Variants in SEMA4B observed in about 807,000 individuals in gnomAD.
SEMA4B encodes semaphorin 4B, also known as semaphorin-4B.
Under a neutral mutation model 88.1 loss-of-function variants are expected in SEMA4B, and 55 were observed. The ratio of observed to expected loss-of-function variants is 0.62; its 90% CI spans 0.50 to 0.78. SEMA4B has a LOEUF of 0.78. Ranked by LOEUF, SEMA4B falls within the 30% of genes least tolerant of loss-of-function variation. SEMA4B has a pLI of 0.00. For missense variants in SEMA4B, 1,062 were observed against 1,111.9 expected (o/e 0.96, Z 0.64); for synonymous variants, 525 against 473.6 (o/e 1.11, Z -1.41).
chr15:90,206,222 G>C (rs1443057554), intron 1 of SEMA4B, among the ~76,000 whole-genome samples: 2 of 152,174 alleles, frequency 1.3e-5, no homozygotes, highest in Admixed American at 6.5e-5. Context: ...GGGTGCTCAG[G>C]CTGGCGCAGG....
At chr15:90,224,171 A>G (rs1197925012) in intron 9 of SEMA4B, among the ~76,000 whole-genome samples, 183 bp downstream of exon 9, 1 of 152,214 alleles carries the variant, frequency 6.6e-6, no homozygotes, top group Non-Finnish European at 1.5e-5. Context: ...ATAAGTATGA[A>G]TGTCAGAATA....
chr15:90,198,889 A>T (rs1312180145), upstream of SEMA4B, among the ~76,000 whole-genome samples: 2 of 152,124 alleles, frequency 1.3e-5, no homozygotes, highest in East Asian at 3.9e-4. Flanking sequence ...TTTGTTTAAG[A>T]TGGAGTCTTG....
chr15:90,196,536 G>T (rs901220327), upstream of SEMA4B, among the ~76,000 whole-genome samples: 2 of 152,058 alleles, frequency 1.3e-5, no homozygotes, highest in African/African-American at 4.8e-5. Flanking sequence ...GGTCAGGCTG[G>T]AGTGCAGTGG....
In SEMA4B at chr15:90,212,401, C is replaced by A. The variant is rs548056880; in HGVS notation, c.158-5038C>A. ...AAACCGGCCGCAGCCTCGGCGTGCCCTGCTTTCTTCATACTGGACTAACCC... is the reference window on the plus strand; with the variant it reads ...AAACCGGCCGCAGCCTCGGCGTGCCATGCTTTCTTCATACTGGACTAACCC... On this transcript the variant is annotated intron_variant, in intron 1 of 13. Coordinates refer to ENST00000411539, the MANE Select transcript of SEMA4B (RefSeq NM_198925.4). The surrounding 1 kb of genome is among the most constrained non-coding windows in gnomAD (Gnocchi z 4.0). Among the ~76,000 whole-genome samples, 1 of 152,168 alleles carries A rather than the reference C, an allele frequency of 6.6e-6. No homozygotes were observed. The highest frequency in any genetic ancestry group is 2.1e-4 in the South Asian group (1 of 4,834).
upstream of SEMA4B, among the ~76,000 whole-genome samples, chr15:90,196,612 G>A (rs377348598): frequency 2.0e-5 from 3 of 151,868 alleles, no homozygotes; most frequent in African/African-American, 4.8e-5. Flanking sequence ...TCAGCCTCCC[G>A]AGTAGCTGGG....
At chr15:90,191,033 G>T (rs1401248304) in intron 1 of SEMA4B, among the ~76,000 whole-genome samples, 6 of 152,244 alleles carry the variant, frequency 3.9e-5, no homozygotes, top group African/African-American at 1.4e-4. Flanking sequence ...AGCAGAGGCA[G>T]ACAGCGCCTC....
chr15:90,205,045 G>T (rs11631716), intron 1 of SEMA4B, among the ~76,000 whole-genome samples: 15,895 of 152,236 alleles, frequency 0.1, 1,106 homozygotes, highest in Middle Eastern at 0.16. Context: ...AAAGTGCTGG[G>T]ATTACAGGCA....
chr15:90,198,170 G>C (rs140971792), upstream of SEMA4B, among the ~76,000 whole-genome samples: 1 of 152,052 alleles, frequency 6.6e-6, no homozygotes, highest in East Asian at 1.9e-4. Context: ...GCCTGCCTCG[G>C]CCTCCTAAAG....
intron 1 of SEMA4B, among the ~76,000 whole-genome samples, chr15:90,194,161 T>G (rs1345488882): frequency 6.6e-6 from 1 of 152,110 alleles, no homozygotes; most frequent in Middle Eastern, 3.2e-3. Flanking sequence ...CCCATAATAG[T>G]CTTATGGATA....
chr15:90,227,687 T>C lies in SEMA4B; in HGVS notation c.1774+45T>C, dbSNP rs377563846. ...GGTGGAGGAGAGAGGTGGGGACAAG[T>C]GTGCTTGGAAGGCTCCCCCAGGCAC... is the stretch of plus-strand genomic sequence containing the variant. On this transcript the variant is annotated intron_variant, in intron 13 of 13. Transcript: ENST00000411539. 5.5e-5 allele frequency: 88 copies of C among 1,599,368 alleles called. No individual in the cohort carries two copies. In the African/African-American group the frequency reaches 9.6e-4, roughly 18 times the overall value.
At chr15:90,194,460 A>T (rs966548461) in intron 1 of SEMA4B, among the ~76,000 whole-genome samples, 1 of 152,074 alleles carries the variant, frequency 6.6e-6, no homozygotes, top group Non-Finnish European at 1.5e-5. Flanking sequence ...TGAACCCACG[A>T]GGCAGAGGTT....
At chr15:90,216,378 T>C (rs1367986519) in intron 1 of SEMA4B, among the ~76,000 whole-genome samples, 1 of 152,164 alleles carries the variant, frequency 6.6e-6, no homozygotes, top group Non-Finnish European at 1.5e-5. Context: ...CCCAACATAT[T>C]CTGTCACCGT....
At chr15:90,203,938 T>C (rs1960866362) in intron 1 of SEMA4B, among the ~76,000 whole-genome samples, 1 of 152,194 alleles carries the variant, frequency 6.6e-6, no homozygotes, top group African/African-American at 2.4e-5. Flanking sequence ...GAGTTGCCAC[T>C]ATACCCTGGA....
chr15:90,220,558 G>A (rs181745319), intron 4 of SEMA4B, among the ~76,000 whole-genome samples: 2 of 151,640 alleles, frequency 1.3e-5, no homozygotes, highest in South Asian at 2.1e-4. Context: ...TCGGTAGAGA[G>A]GGGGGTTTCA....
chr15:90,225,026 G>T lies in SEMA4B; in HGVS notation c.1253G>T (p.Arg418Leu). The change falls in exon 10 of 14, where the codon CGC (arginine) becomes CTC (leucine). Residue 418 changes from arginine to leucine, a missense_variant. Transcript: ENST00000411539. Reference protein sequence around the residue: ...KINSSLQLPDRVLNFLKDHFL... With the variant: ...KINSSLQLPDLVLNFLKDHFL... Reference sequence around the variant, plus strand: ...AACTCATCCCTGCAGCTCCCAGACCGCGTGCTGAACTTCCTCAAGGACCAC... The same window carrying T: ...AACTCATCCCTGCAGCTCCCAGACCTCGTGCTGAACTTCCTCAAGGACCAC... 6.2e-7 allele frequency: 1 copy of T among 1,613,950 alleles called. No homozygotes were observed. The highest frequency in any genetic ancestry group is 8.5e-7 in the Non-Finnish European group (1 of 1,179,856).
At chr15:90,207,851 A>G (rs1210860926) in intron 1 of SEMA4B, among the ~76,000 whole-genome samples, 2 of 152,242 alleles carry the variant, frequency 1.3e-5, no homozygotes, top group African/African-American at 2.4e-5. Flanking sequence ...GACATGTGGC[A>G]CACAGGAGAC....
chr15:90,221,735 C>T lies in SEMA4B; in HGVS notation c.831C>T (p.Thr277=). The change falls in exon 7 of 14, where the codon ACC becomes ACT. Residue 277 remains threonine, a synonymous_variant. Transcript: ENST00000411539. The stretch of plus-strand genomic sequence containing the variant: ...AGGAATTTGAGTTCTTTGAGAACAC[C>T]ATTGTGTCCCGCATTGCCCGCATCT... ...TGQEFEFFEN[T]IVSRIARICK... is the part of the protein sequence containing the mutation. 6.2e-7 allele frequency: 1 copy of T among 1,613,886 alleles called. No individual in the cohort carries two copies. Among genetic ancestry groups the T allele is most frequent in the Non-Finnish European group, 8.5e-7 (1 of 1,179,866 alleles).
At chr15:90,205,615 T>G (rs914605976) in intron 1 of SEMA4B, among the ~76,000 whole-genome samples, 1 of 152,252 alleles carries the variant, frequency 6.6e-6, no homozygotes, top group Non-Finnish European at 1.5e-5. Context: ...GTAAAGTGTT[T>G]GGCATGGTGC....
chr15:90,188,510 C>T (rs564218024), intron 1 of SEMA4B, among the ~76,000 whole-genome samples: 19 of 151,998 alleles, frequency 1.3e-4, no homozygotes, highest in Non-Finnish European at 1.5e-4. Context: ...TGCCTGTAAT[C>T]CCAGCTACCC....
Sources: gnomAD v4.1 joint callset for allele counts (sites outside exome capture counted in the v4.1 genomes callset) on GRCh38, gnomAD v4.1.1 for gene constraint, Gnocchi (gnomAD v3.1) non-coding constraint, MANE v1.5 for transcripts, NCBI Gene and HGNC (gene_info 2026-07-23, HGNC 2026-07-21) for gene names.